ANXA11: variants seen among roughly 807,000 people sequenced by gnomAD.
ANXA11 encodes 56 kDa autoantigen.
ANXA11 carries 57 observed loss-of-function variants against 64.7 expected under a neutral mutation model. The observed-to-expected ratio is 0.88, with a 90% CI of 0.71 to 1.10. The LOEUF is 1.10. ANXA11 is among the 50% of genes least tolerant of loss of function. The pLI is 0.00. For synonymous variants in ANXA11, 260 were observed against 265.2 expected (o/e 0.98, Z 0.19); for missense variants, 675 against 670.7 (o/e 1.01, Z -0.07).
At chr10:80,204,741 G>T (rs543311565) in intron 1 of ANXA11, 1 of 152,952 alleles carries the variant, frequency 6.5e-6, no homozygotes, top group East Asian at 1.9e-4. Context: ...TGAAACTGGG[G>T]ATCAAGGTTG....
At chr10:80,199,265 T>C (rs1378537945) in intron 1 of ANXA11, among the ~76,000 whole-genome samples, 2 of 151,980 alleles carry the variant, frequency 1.3e-5, no homozygotes, top group Non-Finnish European at 2.9e-5. Context: ...GCCTGGATAA[T>C]TTTTTATATT....
At position 80,180,008 on chromosome 10, in the gene ANXA11, C is replaced by A. The variant is rs145833312; in HGVS notation, c.-57-3853G>T. On this transcript the variant is annotated intron_variant, in intron 1 of 15. Transcript: ENST00000422982. Reference sequence around the variant, plus strand: ...CCAGCCTCAAAGCGTCTGGTGAATGCCAAAAGCATAGAGCAGCTATCTGGG... The same window carrying A: ...CCAGCCTCAAAGCGTCTGGTGAATGACAAAAGCATAGAGCAGCTATCTGGG... Among the ~76,000 whole-genome samples, 202 of 152,268 alleles carry A rather than the reference C, an allele frequency of 1.3e-3. 1 individual carries two copies. The highest frequency in any genetic ancestry group is 4.5e-3 in the African/African-American group (185 of 41,542).
chr10:80,188,388 T>C lies in ANXA11; in HGVS notation c.-57-12233A>G, dbSNP rs906546284. The stretch of plus-strand genomic sequence containing the variant: ...TGTTAGCTGTGTGACCCTGGATATA[T>C]AGATTGACCACTCTGAGCCTTTCTC... On this transcript the variant is annotated intron_variant, in intron 1 of 15. Coordinates refer to ENST00000422982, the MANE Select transcript of ANXA11 (RefSeq NM_145868.2). 1.6e-4 allele frequency among the ~76,000 whole-genome samples: 22 copies of C among 140,702 alleles called. 1 individual carries two copies. The highest frequency in any genetic ancestry group is 4.7e-4 in the African/African-American group (17 of 36,056). 92.3% of individuals were successfully genotyped at this position (140,702 alleles called of 152,430 possible). A position where few individuals can be genotyped will look rare whatever the true frequency, so the allele number is the denominator to read the frequency against.
Position 80,152,669 on chromosome 10 carries a change from C to G in ANXA11, c.*3184G>C, listed in dbSNP as rs992044814. 6.6e-6 allele frequency: 1 copy of G among 152,392 alleles called. No individual in the cohort carries two copies. The highest frequency in any genetic ancestry group is 6.5e-5 in the Admixed American group (1 of 15,290). 9.4% of individuals were successfully genotyped at this position (152,392 alleles called of 1,614,324 possible). On this transcript the variant is annotated 3_prime_UTR_variant, in exon 16 of 16. Transcript: ENST00000422982. The stretch of plus-strand genomic sequence containing the variant: ...TCATCAGCAGCTCTCACACTGTCCA[C>G]CTTTACCTAGGCTGTCTTCTCCAGA...
At chr10:80,160,424 C>A (rs1845459296) in intron 12 of ANXA11, among the ~76,000 whole-genome samples, 1 of 152,200 alleles carries the variant, frequency 6.6e-6, no homozygotes, top group Admixed American at 6.5e-5. Flanking sequence ...GCTTTCACAG[C>A]TGCGAATGGG....
intron 5 of ANXA11, among the ~76,000 whole-genome samples, chr10:80,168,612 C>A (rs1288807044): frequency 6.6e-6 from 1 of 152,182 alleles, no homozygotes. Context: ...CGGCTCACTG[C>A]AACCTCTGTC....
At chr10:80,172,953 C>T in intron 2 of ANXA11, 84 bp from the exon 3 acceptor site, 1 of 1,212,830 alleles carries the variant, frequency 8.2e-7, no homozygotes, top group Non-Finnish European at 1.2e-6. Flanking sequence ...AAAGGGCAGC[C>T]ACCACCACAA....
Position 80,195,810 on chromosome 10 carries a change from A to G in ANXA11, c.-58+9533T>C, listed in dbSNP as rs138253961. On this transcript the variant is annotated intron_variant, in intron 1 of 15. Transcript: ENST00000422982. ...CTCACATGGCAGCAGACAAGAGAAGAGAGTTTGTGCAGGGAAATTTCCCTT... is the reference window on the plus strand; with the variant it reads ...CTCACATGGCAGCAGACAAGAGAAGGGAGTTTGTGCAGGGAAATTTCCCTT... The G allele has an allele frequency of 4.4e-3, 687 of 156,430 alleles. 3 individuals carry two copies. Among genetic ancestry groups the G allele is most frequent in the Non-Finnish European group, 6.5e-3 (463 of 71,170 alleles). 9.7% of individuals were successfully genotyped at this position (156,430 alleles called of 1,614,324 possible).
Position 80,154,412 on chromosome 10 carries a change from G to A in ANXA11, c.*1441C>T, listed in dbSNP as rs1340492241. On this transcript the variant is annotated 3_prime_UTR_variant, in exon 16 of 16. Coordinates refer to ENST00000422982, the MANE Select transcript of ANXA11 (RefSeq NM_145868.2). ...CCACCACGCCTGGCCAAATTTTTTA[G>A]TAGAGACAGGGGTCTCGCTGTTGGC... 6.6e-6 allele frequency: 1 copy of A among 152,156 alleles called. No individual in the cohort carries two copies. Among genetic ancestry groups the A allele is most frequent in the African/African-American group, 2.4e-5 (1 of 41,440 alleles). 9.4% of individuals were successfully genotyped at this position (152,156 alleles called of 1,614,324 possible). A position where few individuals can be genotyped will look rare whatever the true frequency, so the allele number is the denominator to read the frequency against.
At chr10:80,156,554 C>T in intron 15 of ANXA11, 1 of 454,378 alleles carries the variant, frequency 2.2e-6, no homozygotes, top group Non-Finnish European at 4.5e-6. Flanking sequence ...CACTCTGTCA[C>T]CAAGACTGAA....
At chr10:80,198,253 A>T (rs1196725915) in intron 1 of ANXA11, among the ~76,000 whole-genome samples, 1 of 152,226 alleles carries the variant, frequency 6.6e-6, no homozygotes, top group Non-Finnish European at 1.5e-5. Context: ...AATTCAGGAG[A>T]GCAGTGGGTG....
Position 80,157,983 on chromosome 10 carries a change from A to G in ANXA11, c.1319T>C (p.Leu440Pro). ...KNTPAFFAERLNKAMRGAGTK... is the reference protein window; with the variant it reads ...KNTPAFFAERPNKAMRGAGTK... The stretch of plus-strand genomic sequence containing the variant: ...GTTACATACCCTCATGGCCTTGTTG[A>G]GCCTCTCCGCAAAGAAGGCTGGGGT... Residue 440 changes from leucine (L) to proline (P), a missense_variant, in exon 14 of 16, where the codon CTC (leucine) becomes CCC (proline). Transcript: ENST00000422982. 3 of 1,614,082 alleles carry G rather than the reference A, an allele frequency of 1.9e-6. No homozygotes were observed. The highest frequency in any genetic ancestry group is 2.5e-6 in the Non-Finnish European group (3 of 1,179,974).
At position 80,157,707 on chromosome 10, in the gene ANXA11, G is replaced by A. The variant is rs374382845; in HGVS notation, c.1392C>T (p.Thr464=). The A allele has an allele frequency of 5.5e-5, 88 of 1,613,746 alleles. No individual in the cohort carries two copies. The highest frequency in any genetic ancestry group is 6.8e-5 in the Non-Finnish European group (80 of 1,179,944). ...LIRIMVSRSE[T]DLLDIRSEYK... ...ACTCTGATCTGATGTCCAGGAGGTC[G>A]GTCTCGCTGCGAGACACCATGATGC... is the stretch of plus-strand genomic sequence containing the variant. Residue 464 remains threonine (T), a synonymous_variant, in exon 15 of 16, where the codon ACC becomes ACT. Coordinates refer to ENST00000422982, the MANE Select transcript of ANXA11 (RefSeq NM_145868.2).
At chr10:80,175,914 C>T (rs1846151528) in intron 2 of ANXA11, among the ~76,000 whole-genome samples, 193 bp downstream of exon 2, 1 of 151,952 alleles carries the variant, frequency 6.6e-6, no homozygotes, top group Non-Finnish European at 1.5e-5. Flanking sequence ...ATTAGCCAGG[C>T]GTGGTGGTGG....
At chr10:80,188,470 A>G (rs1427018384) in intron 1 of ANXA11, among the ~76,000 whole-genome samples, 1 of 108,396 alleles carries the variant, frequency 9.2e-6, no homozygotes. Context: ...GTGAGAATGT[A>G]GTATTCTCAC....
intron 15 of ANXA11, chr10:80,157,259 A>G (rs1845310845): frequency 2.0e-6 from 2 of 985,480 alleles, no homozygotes; most frequent in Non-Finnish European, 2.4e-6. Flanking sequence ...GGCCTACGCC[A>G]TAAAGCTGAG....
intron 1 of ANXA11, among the ~76,000 whole-genome samples, chr10:80,189,308 A>G (rs1846671916): frequency 2.0e-5 from 3 of 152,218 alleles, no homozygotes; most frequent in Admixed American, 2.0e-4. Context: ...CTAAAGCTGG[A>G]AAGGGCAAGG....
intron 1 of ANXA11, among the ~76,000 whole-genome samples, chr10:80,197,540 T>C (rs1840220533): frequency 6.6e-6 from 1 of 152,128 alleles, no homozygotes; most frequent in Admixed American, 6.5e-5. Flanking sequence ...AGGGTTCAAA[T>C]AGCCTCTGCC....
intron 12 of ANXA11, among the ~76,000 whole-genome samples, chr10:80,161,004 G>A (rs1395355358): frequency 2.0e-5 from 3 of 151,936 alleles, no homozygotes; most frequent in Non-Finnish European, 4.4e-5. Flanking sequence ...ATTCCTCCCC[G>A]GGTCCCTGCA....
Sources: gnomAD v4.1 joint callset for allele counts (sites outside exome capture counted in the v4.1 genomes callset) on GRCh38, gnomAD v4.1.1 for gene constraint, MANE v1.5 for transcripts, NCBI Gene and HGNC (gene_info 2026-07-23, HGNC 2026-07-21) for gene names.